The following DHX29 variants were observed in gnomAD, a reference collection of about 807,000 sequenced individuals.
The protein encoded by DHX29 is ATP-dependent RNA helicase DHX29.
A neutral mutation model predicts 167.9 loss-of-function variants in DHX29; 79 were observed. The observed-to-expected ratio is 0.47, with a 90% CI of 0.39 to 0.57. The LOEUF is 0.57. Among genes scored for constraint, DHX29 ranks in the 20% least tolerant of loss-of-function variants. The pLI is 0.00. For missense variants in DHX29, 1,347 were observed against 1,593.4 expected (o/e 0.85, Z 2.63); for synonymous variants, 530 against 546.0 (o/e 0.97, Z 0.41).
rs1747412225 is a variant in DHX29 at position 55,281,521 on chromosome 5, G to C, written c.1966-6C>G. 1 of 1,570,768 alleles carries C rather than the reference G, an allele frequency of 6.4e-7. No individual in the cohort carries two copies. The highest frequency in any genetic ancestry group is 8.6e-7 in the Non-Finnish European group (1 of 1,160,202). On this transcript the variant is annotated splice_polypyrimidine_tract_variant and splice_region_variant and intron_variant, in intron 11 of 26. Transcript: ENST00000251636. ...TGATATCCACACAAGGAATTCTAAAGGGAGAACATAAGGCCTTGATTAGAT... is the reference window on the plus strand; with the variant it reads ...TGATATCCACACAAGGAATTCTAAACGGAGAACATAAGGCCTTGATTAGAT...
chr5:55,262,074 A>G (rs1746338566), intron 24 of DHX29, among the ~76,000 whole-genome samples: 1 of 152,232 alleles, frequency 6.6e-6, no homozygotes, highest in African/African-American at 2.4e-5. Flanking sequence ...GACAGGTAAC[A>G]AAAACCCAAA....
intron 6 of DHX29, among the ~76,000 whole-genome samples, chr5:55,291,181 C>G (rs900644332): frequency 6.6e-6 from 1 of 152,110 alleles, no homozygotes; most frequent in East Asian, 1.9e-4. Context: ...TGACTTGACT[C>G]CTGAGCAAAA....
chr5:55,294,658 A>G (rs7721631), intron 5 of DHX29, among the ~76,000 whole-genome samples: 60,473 of 152,096 alleles, frequency 0.4, 12,989 homozygotes, highest in African/African-American at 0.55. Flanking sequence ...CAGCCTGGGC[A>G]ACAGAGCAAG....
chr5:55,298,095 A>G (rs527304624), intron 2 of DHX29, among the ~76,000 whole-genome samples: 1 of 152,350 alleles, frequency 6.6e-6, no homozygotes, highest in South Asian at 2.1e-4. Flanking sequence ...CAAAAAAGAT[A>G]TATCAAGTAA....
chr5:55,295,437 G>A lies in DHX29; in HGVS notation c.593C>T (p.Thr198Ile), dbSNP rs905609500. The A allele has an allele frequency of 6.2e-7, 1 of 1,613,702 alleles. No homozygotes were observed. The highest frequency in any genetic ancestry group is 8.5e-7 in the Non-Finnish European group (1 of 1,179,662). The change falls in exon 5 of 27, where the codon ACT (threonine) becomes ATT (isoleucine). Residue 198 changes from threonine (T) to isoleucine (I), a missense_variant. Physicochemically the swap from Thr to Ile is moderately conservative, Grantham distance 89. Transcript: ENST00000251636. ...PKFQSPQIQA[T>I]ISPPLQPKTK... The stretch of plus-strand genomic sequence containing the variant: ...TTTAGGTTGCAATGGAGGTGAAATA[G>A]TGGCTTGTATTTGAGGAGACTGAAA...
Position 55,286,887 on chromosome 5 carries a change from CCTT to C in DHX29, c.1067-1029_1067-1027del, listed in dbSNP as rs1349911251. ...CCTTAGATATTCCAATGTACCCTCT[CCTT>C]CTTGGAAGGACTGTTCCACCAACTT... On this transcript the variant is annotated intron_variant, in intron 8 of 26. Coordinates refer to ENST00000251636, the MANE Select transcript of DHX29 (RefSeq NM_019030.4). Among the ~76,000 whole-genome samples the C allele has an allele frequency of 4.6e-5, 7 of 152,304 alleles. No homozygotes were observed. In the East Asian group the frequency reaches 1.2e-3, roughly 25 times the overall value.
intron 12 of DHX29, 142 bp downstream of exon 12, chr5:55,281,230 A>C: frequency 1.7e-6 from 1 of 594,060 alleles, no homozygotes; most frequent in Non-Finnish European, 2.5e-6. Context: ...AACAGGAGAT[A>C]CATTTGTTAC....
chr5:55,288,418 A>ATAC, intron 8 of DHX29, among the ~76,000 whole-genome samples: 1 of 150,992 alleles, frequency 6.6e-6, no homozygotes, highest in South Asian at 2.1e-4. Flanking sequence ...CTATTAAACT[A>ATAC]TAGTACATAA....
chr5:55,291,196 GGAA>G, intron 6 of DHX29, among the ~76,000 whole-genome samples: 1 of 152,208 alleles, frequency 6.6e-6, no homozygotes, highest in East Asian at 1.9e-4. Context: ...GCAAAAACTA[GGAA>G]GAGTTTAAAG....
intron 1 of DHX29, among the ~76,000 whole-genome samples, chr5:55,305,449 A>T (rs1748812568): frequency 6.6e-6 from 1 of 152,220 alleles, no homozygotes; most frequent in Non-Finnish European, 1.5e-5. Context: ...AAAAGGTTAG[A>T]AAGAGGGTTT....
At chr5:55,291,301 C>T (rs1748032544) in intron 6 of DHX29, among the ~76,000 whole-genome samples, 1 of 152,090 alleles carries the variant, frequency 6.6e-6, no homozygotes, top group Admixed American at 6.5e-5. Context: ...GGAAACACAA[C>T]TGTTAAAAGA....
chr5:55,270,504 T>TA lies in DHX29; in HGVS notation c.2994-18dup. ...CCTTCAAATCTGAAAAATAAAGTAA[T>TA]ACTAAATACATATTATCAGAAATGT... On this transcript the variant is annotated splice_polypyrimidine_tract_variant and intron_variant, in intron 19 of 26. Transcript: ENST00000251636. 6.2e-7 allele frequency: 1 copy of TA among 1,613,170 alleles called. No individual in the cohort carries two copies. Among genetic ancestry groups the TA allele is most frequent in the Non-Finnish European group, 8.5e-7 (1 of 1,179,746 alleles).
rs758163649 is a variant in DHX29 at position 55,267,767 on chromosome 5, C to T, written c.3350G>A (p.Arg1117Gln). The change falls in exon 22 of 27, where the codon CGA becomes CAA. Residue 1117 changes from arginine (R) to glutamine (Q), a missense_variant. By Grantham distance (43) the Arg-to-Gln change is conservative (BLOSUM62 1). Coordinates refer to ENST00000251636, the MANE Select transcript of DHX29 (RefSeq NM_019030.4). Reference protein sequence around the residue: ...EKSPFTTPIGRKDEADLAKSA... With the variant: ...EKSPFTTPIGQKDEADLAKSA... ...TTTTGCAAGATCTGCTTCATCTTTT[C>T]GACCAATTGGTGTGGTAAAAGGAGA... The T allele has an allele frequency of 1.7e-5, 27 of 1,608,934 alleles. No individual in the cohort carries two copies. Among genetic ancestry groups the T allele is most frequent in the Admixed American group, 1.5e-4 (9 of 59,624 alleles).
chr5:55,258,034 G>A (rs1746136403), intron 26 of DHX29, among the ~76,000 whole-genome samples: 1 of 152,154 alleles, frequency 6.6e-6, no homozygotes, highest in Non-Finnish European at 1.5e-5. Flanking sequence ...CACAGAGTAT[G>A]AGGCTTCAGG....
chr5:55,306,116 TA>T (rs1427712903), intron 1 of DHX29, among the ~76,000 whole-genome samples: 1 of 152,226 alleles, frequency 6.6e-6, no homozygotes, highest in Non-Finnish European at 1.5e-5. Flanking sequence ...AAATTCTATG[TA>T]TTTGTAATTA....
chr5:55,302,919 A>G (rs1748679850), intron 1 of DHX29, among the ~76,000 whole-genome samples: 1 of 152,190 alleles, frequency 6.6e-6, no homozygotes, highest in Non-Finnish European at 1.5e-5. Context: ...AGATGGTGGA[A>G]GTTACTGGAA....
intron 24 of DHX29, 88 bp downstream of exon 24, chr5:55,262,542 T>C (rs1746358543): frequency 1.4e-6 from 2 of 1,481,166 alleles, no homozygotes; most frequent in Admixed American, 4.3e-5. Flanking sequence ...GAGAACCAAA[T>C]AAAATACCTG....
chr5:55,304,942 C>T (rs970703338), intron 1 of DHX29, among the ~76,000 whole-genome samples: 2 of 152,054 alleles, frequency 1.3e-5, no homozygotes, highest in African/African-American at 4.8e-5. Flanking sequence ...TTAAAAGCAC[C>T]CTAAAATAAA....
rs924661854 is a variant in DHX29 at position 55,270,616 on chromosome 5, G to A, written c.2955C>T (p.Val985=). The A allele has an allele frequency of 1.2e-6, 2 of 1,613,998 alleles. No homozygotes were observed. The highest frequency in any genetic ancestry group is 1.7e-6 in the Non-Finnish European group (2 of 1,180,020). The change falls in exon 19 of 27, where the codon GTC becomes GTT. Residue 985 remains valine, a synonymous_variant. Coordinates refer to ENST00000251636, the MANE Select transcript of DHX29 (RefSeq NM_019030.4). The stretch of plus-strand genomic sequence containing the variant: ...ACATTCGGAAACAGAAGCCATCTCT[G>A]ACCCGCCCAGCTCTTCCCTGGCGCT... ...ALQRQGRAGR[V]RDGFCFRMYT...
Sources: allele counts gnomAD v4.1 joint callset (sites outside exome capture counted in the v4.1 genomes callset), GRCh38; gene constraint gnomAD v4.1.1; transcripts MANE v1.5; gene names NCBI Gene and HGNC (gene_info 2026-07-23, HGNC 2026-07-21).